TMEM117: variants seen among roughly 807,000 people sequenced by gnomAD.
The protein encoded by TMEM117 is transmembrane protein 117.
In TMEM117, 27 loss-of-function variants were observed where a neutral mutation model predicts 52.4. That is an observed-to-expected ratio of 0.51 (90% CI 0.38 to 0.71). TMEM117 has a LOEUF of 0.71. Ranked by LOEUF, TMEM117 falls within the 30% of genes least tolerant of loss-of-function variation. TMEM117 has a pLI of 0.00. For missense variants in TMEM117, 556 were observed against 630.5 expected, an observed-to-expected ratio of 0.88 and a Z score of 1.26; for synonymous variants, 215 against 206.3, an observed-to-expected ratio of 1.04 and a Z score of -0.36.
intron 3 of TMEM117, among the ~76,000 whole-genome samples, chr12:44,044,896 G>A (rs1203397696): frequency 6.6e-6 from 1 of 152,224 alleles, no homozygotes; most frequent in Non-Finnish European, 1.5e-5. Flanking sequence ...GTAGCCAATG[G>A]TTTAGAACTT....
At chr12:44,023,381 A>G (rs1946483491) in intron 3 of TMEM117, among the ~76,000 whole-genome samples, 1 of 152,096 alleles carries the variant, frequency 6.6e-6, no homozygotes, top group African/African-American at 2.4e-5. Flanking sequence ...CTAGTTCTAG[A>G]TCCCTGAGGA....
chr12:43,865,918 C>A (rs1195281581), intron 2 of TMEM117, among the ~76,000 whole-genome samples: 1 of 151,652 alleles, frequency 6.6e-6, no homozygotes, highest in Non-Finnish European at 1.5e-5. Flanking sequence ...AATGTATCAT[C>A]TATAAAGTCC....
At chr12:43,947,171 C>G (rs1945147147) in intron 3 of TMEM117, among the ~76,000 whole-genome samples, 1 of 151,828 alleles carries the variant, frequency 6.6e-6, no homozygotes, top group South Asian at 2.1e-4. Context: ...TTGTCTCTTA[C>G]AAAAAATAAA....
intron 5 of TMEM117, among the ~76,000 whole-genome samples, chr12:44,270,421 G>A (rs1440519750): frequency 6.6e-6 from 1 of 152,026 alleles, no homozygotes; most frequent in Non-Finnish European, 1.5e-5. Flanking sequence ...CAGCTTGGTC[G>A]CTGTTGGTGT....
the TMEM117 span, chr12:43,802,507 A>T: frequency 1.4e-6 from 2 of 1,419,160 alleles, no homozygotes. Flanking sequence ...ATGGTTTGAG[A>T]TATCAAGTGG....
chr12:44,143,214 G>A (rs1948594766), intron 3 of TMEM117, among the ~76,000 whole-genome samples: 1 of 152,200 alleles, frequency 6.6e-6, no homozygotes. Flanking sequence ...ATACTTGAGT[G>A]AGCATGCAAT....
At chr12:44,086,445 G>C (rs1947567766) in intron 3 of TMEM117, among the ~76,000 whole-genome samples, 2 of 152,038 alleles carry the variant, frequency 1.3e-5, no homozygotes, top group South Asian at 4.1e-4. Context: ...TCGATCTCCT[G>C]ACCTCGTGAT....
intron 3 of TMEM117, among the ~76,000 whole-genome samples, chr12:44,090,652 G>C (rs1453175064): frequency 4.6e-5 from 7 of 151,420 alleles, no homozygotes; most frequent in Non-Finnish European, 8.8e-5. Flanking sequence ...GCTCAGGCTG[G>C]TCTCAAACCC....
At chr12:44,102,640 G>T (rs566399839) in intron 3 of TMEM117, among the ~76,000 whole-genome samples, 1 of 151,986 alleles carries the variant, frequency 6.6e-6, no homozygotes, top group African/African-American at 2.4e-5. Flanking sequence ...ACAAACAAAA[G>T]GTTTCAGAAA....
chr12:43,849,944 T>C (rs1943277497), intron 2 of TMEM117, among the ~76,000 whole-genome samples: 1 of 152,230 alleles, frequency 6.6e-6, no homozygotes, highest in South Asian at 2.1e-4. Flanking sequence ...CTAATAGTTA[T>C]CTGCTCCTCT....
intron 6 of TMEM117, among the ~76,000 whole-genome samples, chr12:44,359,422 T>C (rs1951693462): frequency 6.6e-6 from 1 of 152,110 alleles, no homozygotes. Flanking sequence ...ACTGTGCATC[T>C]GTGATTTTCC....
At position 44,090,839 on chromosome 12, in the gene TMEM117, G is replaced by GTTTTTTATTT. The variant is rs1947655952; in HGVS notation, c.411-52680_411-52679insATTTTTTTTT. On this transcript the variant is annotated intron_variant, in intron 3 of 7. Transcript: ENST00000266534. ...CTAATTCTTAATCCTGTATTTATGT[G>GTTTTTTATTT]TTTTTTTTTGTTTTTTTTTTTTTTT... Among the ~76,000 whole-genome samples the GTTTTTTATTT allele has an allele frequency of 1.9e-5, 2 of 104,800 alleles. 1 individual carries two copies. Among genetic ancestry groups the GTTTTTTATTT allele is most frequent in the African/African-American group, 9.0e-5 (2 of 22,120 alleles). The allele number at this position is 104,800 out of a possible 152,430, so 68.8% of individuals were successfully genotyped here.
chr12:44,090,398 T>TTTTTTTATTTA (rs1555200743), intron 3 of TMEM117, among the ~76,000 whole-genome samples: 4 of 123,206 alleles, frequency 3.2e-5, no homozygotes, highest in African/African-American at 9.5e-5. Context: ...TTATCTTACT[T>TTTTTTTATTTA]TTTATTTATT....
intron 5 of TMEM117, among the ~76,000 whole-genome samples, chr12:44,214,908 G>A (rs774131315): frequency 3.9e-5 from 6 of 152,118 alleles, no homozygotes; most frequent in Non-Finnish European, 8.8e-5. Context: ...TCGCATAAAA[G>A]GGATTTAGCA....
At position 44,201,331 on chromosome 12, in the gene TMEM117, TGAA is replaced by T. The variant is rs374817380; in HGVS notation, c.511-9958_511-9956del. On this transcript the variant is annotated intron_variant, in intron 4 of 7. Transcript: ENST00000266534. ...TAGATCCTAACTCAATGAGCAGAAT[TGAA>T]AGCTAATAAGGAATGTAGACATAGA... Among the ~76,000 whole-genome samples, 830 of 152,236 alleles carry T rather than the reference TGAA, an allele frequency of 5.5e-3. 6 individuals are homozygous for T. Among genetic ancestry groups the T allele is most frequent in the African/African-American group, 0.019 (770 of 41,548 alleles).
intron 5 of TMEM117, among the ~76,000 whole-genome samples, chr12:44,221,163 A>G (rs1180809149): frequency 3.9e-5 from 6 of 152,194 alleles, no homozygotes; most frequent in Non-Finnish European, 8.8e-5. Context: ...ATGTTGATAG[A>G]ATGTAGGTTA....
chr12:43,868,396 TA>T (rs200314456), intron 2 of TMEM117, among the ~76,000 whole-genome samples: 1 of 149,074 alleles, frequency 6.7e-6, no homozygotes, highest in African/African-American at 2.5e-5. Context: ...ATAATAATAA[TA>T]AAAAAAAAGC....
intron 2 of TMEM117, among the ~76,000 whole-genome samples, chr12:43,910,993 T>A (rs1944489754): frequency 1.6e-5 from 1 of 62,430 alleles, no homozygotes; most frequent in African/African-American, 3.9e-5. Context: ...TGGAAAAAAC[T>A]ACTTTAAAGT....
chr12:44,164,004 G>T (rs1948931106), intron 4 of TMEM117, among the ~76,000 whole-genome samples: 1 of 151,874 alleles, frequency 6.6e-6, no homozygotes. Context: ...TAAATGGATT[G>T]GATCCAAGTG....
Sources: allele counts gnomAD v4.1 joint callset (sites outside exome capture counted in the v4.1 genomes callset), GRCh38; gene constraint gnomAD v4.1.1; transcripts MANE v1.5; gene names NCBI Gene and HGNC (gene_info 2026-07-23, HGNC 2026-07-21).